BHMT2: variants seen among roughly 807,000 people sequenced by gnomAD.
BHMT2 encodes betaine--homocysteine S-methyltransferase 2, also known as S-methylmethionine--homocysteine S-methyltransferase BHMT2.
In BHMT2, 28 loss-of-function variants were observed where a neutral mutation model predicts 39.0. The observed-to-expected ratio is 0.72, with a 90% confidence interval of 0.53 to 0.98. The LOEUF is 0.98. Among genes scored for constraint, BHMT2 ranks in the 50% least tolerant of loss-of-function variants. The pLI is 0.00. For synonymous variants in BHMT2, 145 were observed against 160.6 expected (o/e 0.90, Z 0.74); for missense variants, 410 against 455.6 (o/e 0.90, Z 0.91).
intron 7 of BHMT2, among the ~76,000 whole-genome samples, chr5:79,086,511 T>A (rs761582481): frequency 7.9e-5 from 12 of 152,192 alleles, no homozygotes; most frequent in Non-Finnish European, 1.8e-4. Context: ...GTTGCAGGAA[T>A]AATAGAAAAT....
chr5:79,085,271 C>G (rs1257183389), intron 7 of BHMT2, among the ~76,000 whole-genome samples: 2 of 152,214 alleles, frequency 1.3e-5, no homozygotes, highest in Non-Finnish European at 2.9e-5. Context: ...TCAATGAATT[C>G]CTTCGTTTGT....
rs1169644749 is a variant in BHMT2, at chr5:79,087,010, GTGTGTA to G, written c.1011-1481_1011-1476del. Among the ~76,000 whole-genome samples, 79 of 113,426 alleles carry G rather than the reference GTGTGTA, an allele frequency of 7.0e-4. 1 individual carries two copies. The highest frequency in any genetic ancestry group is 1.1e-3 in the Non-Finnish European group (62 of 58,290). 74.4% of individuals were successfully genotyped at this position (113,426 alleles called of 152,430 possible). ...CTTTTGTGTATGTATGTGTGTGTGT[GTGTGTA>G]TATATATATATATATATATATATAT... On this transcript the variant is annotated intron_variant, in intron 7 of 7. Transcript: ENST00000255192.
rs545566810 is a variant in BHMT2, at chr5:79,088,217, T to C, written c.1011-276T>C. Among the ~76,000 whole-genome samples the C allele has an allele frequency of 3.3e-5, 5 of 152,232 alleles. No homozygotes were observed. The East Asian group carries it at 9.7e-4, about 29-fold the overall frequency. The stretch of plus-strand genomic sequence containing the variant: ...ATATGAAATTGAAATACGTTGTCTT[T>C]TTCTGAAAGGTGGTATGAAACCTAA... On this transcript the variant is annotated intron_variant, in intron 7 of 7. Coordinates refer to ENST00000255192, the MANE Select transcript of BHMT2 (RefSeq NM_017614.5).
Position 79,077,485 on chromosome 5 carries a change from T to G in BHMT2, c.39T>G (p.Ile13Met), listed in dbSNP as rs145187884. The G allele has an allele frequency of 1.6e-4, 250 of 1,612,572 alleles. No individual in the cohort carries two copies. Among genetic ancestry groups the G allele is most frequent in the Non-Finnish European group, 2.0e-4 (231 of 1,179,632 alleles). ...GCTTTTTTTCTCTTCTTCAGGGGAT[T>G]TTGGAGCGCCTGGAGAGTGGGGAGG... ...PAGRPGAKKG[I>M]LERLESGEVV... The change falls in exon 2 of 8, where the codon ATT becomes ATG. Residue 13 changes from isoleucine (I) to methionine (M), a missense_variant. Physicochemically the swap from Ile to Met is conservative, Grantham distance 10. Coordinates refer to ENST00000255192, the MANE Select transcript of BHMT2 (RefSeq NM_017614.5).
intron 7 of BHMT2, among the ~76,000 whole-genome samples, chr5:79,087,375 C>T (rs989057441): frequency 6.6e-5 from 10 of 151,970 alleles, no homozygotes; most frequent in African/African-American, 2.4e-4. Context: ...GTGAGGAAAA[C>T]ATACTTTGGT....
chr5:79,074,406 C>T (rs771339464), intron 1 of BHMT2, among the ~76,000 whole-genome samples: 1 of 152,202 alleles, frequency 6.6e-6, no homozygotes, highest in African/African-American at 2.4e-5. Context: ...AAGATCCTCA[C>T]GTCTGCTTTA....
Position 79,090,068 on chromosome 5 carries a change from T to A in BHMT2, c.*1494T>A, listed in dbSNP as rs2112709160. On this transcript the variant is annotated 3_prime_UTR_variant, in exon 8 of 8. Coordinates refer to ENST00000255192, the MANE Select transcript of BHMT2 (RefSeq NM_017614.5). ...GTGGCAATAAAAATGATTTACCTTT[T>A]ATAGTGTTTGAATGTCGAAAATGTC... Among the ~76,000 whole-genome samples the A allele has an allele frequency of 6.6e-6, 1 of 152,356 alleles. No homozygotes were observed. The highest frequency in any genetic ancestry group is 2.1e-4 in the South Asian group (1 of 4,832).
At chr5:79,070,566 C>A (rs987470316) in intron 1 of BHMT2, among the ~76,000 whole-genome samples, 4 of 152,094 alleles carry the variant, frequency 2.6e-5, no homozygotes, top group African/African-American at 9.7e-5. Flanking sequence ...CCCCAGGACC[C>A]TTCAGAGACC....
At chr5:79,085,801 C>G (rs1049364340) in intron 7 of BHMT2, among the ~76,000 whole-genome samples, 2 of 152,292 alleles carry the variant, frequency 1.3e-5, no homozygotes, top group African/African-American at 4.8e-5. Context: ...CCAGCAACAG[C>G]CTTCCACAGA....
At chr5:79,079,491 G>T (rs1405486183) in intron 3 of BHMT2, 31 bp downstream of exon 3, 1 of 1,496,216 alleles carries the variant, frequency 6.7e-7, no homozygotes, top group East Asian at 2.3e-5. Flanking sequence ...GTGGGGGAGG[G>T]AGTCATCTAT....
chr5:79,080,678 T>C lies in BHMT2; in HGVS notation c.259-9T>C, dbSNP rs1580250919. 3 of 1,576,570 alleles carry C rather than the reference T, an allele frequency of 1.9e-6. No homozygotes were observed. Among genetic ancestry groups the C allele is most frequent in the South Asian group, 1.2e-5 (1 of 83,744 alleles). On this transcript the variant is annotated splice_polypyrimidine_tract_variant and intron_variant, in intron 3 of 7. Coordinates refer to ENST00000255192, the MANE Select transcript of BHMT2 (RefSeq NM_017614.5). ...GCTCACTATCTGAACTCTTGCTCTCTAACCTCAGTGGGAAGATGTAAATGC... is the reference window on the plus strand; with the variant it reads ...GCTCACTATCTGAACTCTTGCTCTCCAACCTCAGTGGGAAGATGTAAATGC...
chr5:79,077,795 C>G (rs1422980950), intron 2 of BHMT2, 183 bp downstream of exon 2: 2 of 593,140 alleles, frequency 3.4e-6, no homozygotes, highest in Non-Finnish European at 5.6e-6. Flanking sequence ...ACCTCTCTCT[C>G]TCTCATACAC....
rs750578244 is a variant in BHMT2 at position 79,088,539 on chromosome 5, C to T, written c.1057C>T (p.Pro353Ser). The T allele has an allele frequency of 6.2e-7, 1 of 1,614,086 alleles. No individual in the cohort carries two copies. The highest frequency in any genetic ancestry group is 8.5e-7 in the Non-Finnish European group (1 of 1,179,992). The change falls in exon 8 of 8, where the codon CCT becomes TCT. Residue 353 changes from proline (P) to serine (S), a missense_variant. By Grantham distance (74) the Pro-to-Ser change is moderately conservative (BLOSUM62 -1). Coordinates refer to ENST00000255192, the MANE Select transcript of BHMT2 (RefSeq NM_017614.5). ...GAATCTGCTGCCAGCTTCAGGCAGA[C>T]CTTTCTGTCCTTCGCTGTCAAAGCC... ...WENLLPASGR[P>S]FCPSLSKPDF
chr5:79,080,942 C>T (rs1755776503), intron 4 of BHMT2, 64 bp downstream of exon 4: 1 of 1,418,666 alleles, frequency 7.0e-7, no homozygotes, highest in Non-Finnish European at 9.5e-7. Context: ...AGAGTCTTCA[C>T]ATTTCATGAG....
intron 1 of BHMT2, among the ~76,000 whole-genome samples, chr5:79,071,861 T>C (rs1755585990): frequency 6.7e-6 from 1 of 148,158 alleles, no homozygotes; most frequent in African/African-American, 2.5e-5. Flanking sequence ...GAAGGGATCA[T>C]ACTGGTATAG....
intron 3 of BHMT2, among the ~76,000 whole-genome samples, chr5:79,080,274 C>A (rs976578025): frequency 6.6e-6 from 1 of 152,106 alleles, no homozygotes; most frequent in Non-Finnish European, 1.5e-5. Flanking sequence ...GTAAGTAAGA[C>A]CAAGGATGTG....
At position 79,083,807 on chromosome 5, in the gene BHMT2, A is replaced by G; in HGVS notation, c.961A>G (p.Ser321Gly). 1 of 1,614,230 alleles carries G rather than the reference A, an allele frequency of 6.2e-7. No homozygotes were observed. Among genetic ancestry groups the G allele is most frequent in the South Asian group, 1.1e-5 (1 of 91,082 alleles). ...GCCACCAGCTTCAGAAAAACACGGC[A>G]GCTGGGGAAGTGGTTTGGACATGCA... ...FLPPASEKHG[S>G]WGSGLDMHTK... The change falls in exon 7 of 8, where the codon AGC (serine) becomes GGC (glycine). Residue 321 changes from serine (S) to glycine (G), a missense_variant. Physicochemically the swap from Ser to Gly is moderately conservative, Grantham distance 56. Transcript: ENST00000255192.
At chr5:79,078,081 C>G (rs1755711206) in intron 2 of BHMT2, 1 of 152,386 alleles carries the variant, frequency 6.6e-6, no homozygotes, top group Admixed American at 6.5e-5. Context: ...TACAGAGTTT[C>G]CTTAAAACAG....
intron 4 of BHMT2, among the ~76,000 whole-genome samples, chr5:79,081,944 T>A (rs1352215108): frequency 6.6e-6 from 1 of 152,140 alleles, no homozygotes; most frequent in Non-Finnish European, 1.5e-5. Flanking sequence ...TGCCTCATCC[T>A]CCTGCCCACG....
Sources: allele counts gnomAD v4.1 joint callset (sites outside exome capture counted in the v4.1 genomes callset), GRCh38; gene constraint gnomAD v4.1.1; transcripts MANE v1.5; gene names NCBI Gene and HGNC (gene_info 2026-07-23, HGNC 2026-07-21).